CCDC13: variants seen among roughly 807,000 people sequenced by gnomAD.
The protein encoded by CCDC13 is coiled-coil domain-containing protein 13.
A neutral mutation model predicts 87.3 loss-of-function variants in CCDC13; 70 were observed. The observed-to-expected ratio is 0.80, with a 90% CI of 0.66 to 0.98. The LOEUF is 0.98. Among genes scored for constraint, CCDC13 ranks in the 50% least tolerant of loss-of-function variants. The pLI is 0.00. For synonymous variants in CCDC13, 317 were observed against 360.3 expected (o/e 0.88, Z 1.36); for missense variants, 842 against 892.0 (o/e 0.94, Z 0.71).
Position 42,745,992 on chromosome 3 carries a change from A to C in CCDC13, c.756T>G (p.Val252=). The C allele has an allele frequency of 6.2e-7, 1 of 1,614,188 alleles. No homozygotes were observed. The highest frequency in any genetic ancestry group is 8.5e-7 in the Non-Finnish European group (1 of 1,180,036). The change falls in exon 7 of 16, where the codon GTT becomes GTG. Residue 252 remains valine (V), a synonymous_variant. Transcript: ENST00000310232. ...LAREVGEDIN[V]QQLLSSPGTW... ...TCCCTGGCGAAGATAGGAGCTGCTG[A>C]ACGTTGATGTCTTCCCCAACCTCTC...
chr3:42,742,420 C>T (rs938546781), intron 8 of CCDC13, among the ~76,000 whole-genome samples: 16 of 152,160 alleles, frequency 1.1e-4, no homozygotes, highest in East Asian at 1.9e-4. Context: ...CTGGATTGTT[C>T]GTTTACATGG....
At chr3:42,766,639 A>C (rs184918338) in intron 1 of CCDC13, among the ~76,000 whole-genome samples, 127 of 152,022 alleles carry the variant, frequency 8.4e-4, no homozygotes, top group Non-Finnish European at 1.1e-3. Context: ...AACCAACCAA[A>C]CAAACAAACT....
rs530616333 is a variant in CCDC13 at position 42,730,517 on chromosome 3, G to A, written c.1668C>T (p.Ala556=). The A allele has an allele frequency of 8.1e-6, 13 of 1,614,156 alleles. No individual in the cohort carries two copies. The East Asian group carries it at 1.6e-4, about 19-fold the overall frequency. Residue 556 remains alanine, a synonymous_variant, in exon 13 of 16, where the codon GCC becomes GCT. Transcript: ENST00000310232. Reference sequence around the variant, plus strand: ...CGGTGAGCCGGTCACGCTCCACCTCGGCAGCCTGCCAGAGGGCCTTGATCT... The same window carrying A: ...CGGTGAGCCGGTCACGCTCCACCTCAGCAGCCTGCCAGAGGGCCTTGATCT... ...VSEIKALWQA[A]EVERDRLTEF... is the part of the protein sequence containing the mutation.
intron 13 of CCDC13, among the ~76,000 whole-genome samples, 158 bp downstream of exon 13, chr3:42,730,309 C>G (rs997663919): frequency 1.3e-5 from 2 of 152,052 alleles, no homozygotes; most frequent in Admixed American, 6.6e-5. Context: ...CGACAAGGCC[C>G]CAAGGTTGTG....
chr3:42,748,912 T>C (rs1699495159), intron 5 of CCDC13, among the ~76,000 whole-genome samples: 3 of 152,110 alleles, frequency 2.0e-5, no homozygotes, highest in African/African-American at 4.8e-5. Context: ...CCCACCACCA[T>C]GCCTGGCTAA....
Position 42,733,438 on chromosome 3 carries a change from T to G in CCDC13, c.1511+32A>C, listed in dbSNP as rs573870532. On this transcript the variant is annotated intron_variant, in intron 11 of 15. Transcript: ENST00000310232. ...TTTCTTCCGAATAATTAATGTTCAC[T>G]TTCCAACCCCTCCCTCCCATTGTTT... 11 of 1,613,408 alleles carry G rather than the reference T, an allele frequency of 6.8e-6. No homozygotes were observed. In the East Asian group the frequency reaches 2.5e-4, roughly 36 times the overall value.
chr3:42,721,419 G>A (rs1559639403), intron 13 of CCDC13, among the ~76,000 whole-genome samples: 1 of 152,242 alleles, frequency 6.6e-6, no homozygotes, highest in Non-Finnish European at 1.5e-5. Flanking sequence ...GAGCTGAAAT[G>A]TTCCTGAATA....
intron 13 of CCDC13, among the ~76,000 whole-genome samples, chr3:42,724,307 G>A (rs1304673696): frequency 2.0e-5 from 3 of 152,100 alleles, no homozygotes; most frequent in Admixed American, 6.5e-5. Flanking sequence ...CCAGATACCC[G>A]GGGGTCACCC....
intron 12 of CCDC13, 99 bp from the exon 13 acceptor site, chr3:42,730,688 C>A (rs10865921): frequency 1.3e-6 from 2 of 1,482,552 alleles, no homozygotes; most frequent in South Asian, 1.3e-5. Context: ...ACATTCAGGG[C>A]GAATGTCAGC....
intron 8 of CCDC13, among the ~76,000 whole-genome samples, chr3:42,741,604 G>A (rs1023066415): frequency 2.0e-5 from 3 of 152,176 alleles, no homozygotes; most frequent in Non-Finnish European, 4.4e-5. Context: ...GGGCATGGTG[G>A]CAGGTGCCTG....
At chr3:42,752,158 T>G (rs1015356670) in intron 4 of CCDC13, 133 bp from the exon 5 acceptor site, 4 of 717,902 alleles carry the variant, frequency 5.6e-6, no homozygotes, top group Non-Finnish European at 7.0e-6. Flanking sequence ...GGATCATTAA[T>G]GGCAGCATTC....
At chr3:42,716,584 T>C (rs1698435365) in intron 13 of CCDC13, among the ~76,000 whole-genome samples, 1 of 152,160 alleles carries the variant, frequency 6.6e-6, no homozygotes, top group African/African-American at 2.4e-5. Flanking sequence ...AGCACATAAA[T>C]AGATGCTCAA....
At chr3:42,747,413 C>T in intron 5 of CCDC13, 40 bp from the exon 6 acceptor site, 1 of 1,352,114 alleles carries the variant, frequency 7.4e-7, no homozygotes, top group Non-Finnish European at 1.1e-6. Context: ...TCATTTATTG[C>T]CTACATGGGA....
At position 42,706,881 on chromosome 3, in the gene CCDC13, G is replaced by T. The variant is rs546530173; in HGVS notation, c.*2099C>A. On this transcript the variant is annotated 3_prime_UTR_variant, in exon 16 of 16. Transcript: ENST00000310232. ...TTATAGATGAGAATGTGGAGGATCA[G>T]AGAGGTTAAATAACTTGCCCAAGGC... 6.6e-6 allele frequency: 1 copy of T among 152,392 alleles called. No homozygotes were observed. The highest frequency in any genetic ancestry group is 2.1e-4 in the South Asian group (1 of 4,830). The allele number at this position is 152,392 out of a possible 1,614,324, so 9.4% of individuals were successfully genotyped here. A position where few individuals can be genotyped will look rare whatever the true frequency, so the allele number is the denominator to read the frequency against.
At chr3:42,741,878 G>A (rs938993976) in intron 8 of CCDC13, among the ~76,000 whole-genome samples, 3 of 152,156 alleles carry the variant, frequency 2.0e-5, no homozygotes, top group African/African-American at 4.8e-5. Context: ...GGTCTACAGC[G>A]CTGGGAGGTG....
rs1249649477 is a variant in CCDC13, at chr3:42,758,060, G to A, written c.221+65C>T. 8 of 825,974 alleles carry A rather than the reference G, an allele frequency of 9.7e-6. No individual in the cohort carries two copies. In the African/African-American group the frequency reaches 1.8e-4, roughly 18 times the overall value. The allele number at this position is 825,974 out of a possible 1,614,324, so 51.2% of individuals were successfully genotyped here. On this transcript the variant is annotated intron_variant, in intron 2 of 15. Transcript: ENST00000310232. ...TTACAAGTTTTGCTATAGCTCCGGTGGTACACACACACACACACACACACA... is the reference window on the plus strand; with the variant it reads ...TTACAAGTTTTGCTATAGCTCCGGTAGTACACACACACACACACACACACA...
chr3:42,762,768 A>G (rs1236216775), intron 1 of CCDC13, among the ~76,000 whole-genome samples: 1 of 152,150 alleles, frequency 6.6e-6, no homozygotes, highest in Non-Finnish European at 1.5e-5. Flanking sequence ...TAGCTGGCCC[A>G]AAGGCTATAT....
chr3:42,758,148 G>C lies in CCDC13; in HGVS notation c.198C>G (p.Asn66Lys). ...ACCTCTTCTCAAAGCTATTTTTCGA[G>C]TTTGGCTCCCCTGCGTGGAGAAGGC... ...GLSLLHAGEPNSKNSFEKRVL... is the reference protein window; with the variant it reads ...GLSLLHAGEPKSKNSFEKRVL... Residue 66 changes from asparagine (N) to lysine (K), a missense_variant, in exon 2 of 16, where the codon AAC becomes AAG. Transcript: ENST00000310232. 1 of 1,613,744 alleles carries C rather than the reference G, an allele frequency of 6.2e-7. No homozygotes were observed. The highest frequency in any genetic ancestry group is 8.5e-7 in the Non-Finnish European group (1 of 1,179,972).
At chr3:42,736,412 G>A (rs997283866) in intron 9 of CCDC13, among the ~76,000 whole-genome samples, 3 of 152,176 alleles carry the variant, frequency 2.0e-5, no homozygotes, top group Admixed American at 6.5e-5. Context: ...TGGAACAGGT[G>A]GGGGCTGTTG....
Sources: allele counts gnomAD v4.1 joint callset (sites outside exome capture counted in the v4.1 genomes callset), GRCh38; gene constraint gnomAD v4.1.1; transcripts MANE v1.5; gene names NCBI Gene and HGNC (gene_info 2026-07-23, HGNC 2026-07-21).